Variants in THBS4 observed in about 807,000 individuals in gnomAD.
THBS4 encodes the protein thrombospondin 4.
THBS4 carries 90 observed loss-of-function variants against 115.7 expected under a neutral mutation model. The ratio of observed to expected loss-of-function variants is 0.78; its 90% CI spans 0.66 to 0.93. The LOEUF is 0.93. THBS4 is among the 40% of genes least tolerant of loss of function. THBS4 has a pLI of 0.00. For synonymous variants in THBS4, 460 were observed against 479.3 expected (o/e 0.96, Z 0.53); for missense variants, 1,087 against 1,232.7 (o/e 0.88, Z 1.77).
chr5:80,082,608 A>T lies in THBS4; in HGVS notation c.2824+63A>T, dbSNP rs551061531. 6.9e-6 allele frequency: 11 copies of T among 1,589,434 alleles called. No individual in the cohort carries two copies. The Admixed American group carries it at 1.9e-4, about 27-fold the overall frequency. ...AGAATTAGTCAAACACTGCCACCTTATTTTTATACCGCACTTCCCCCCCAA... is the reference window on the plus strand; with the variant it reads ...AGAATTAGTCAAACACTGCCACCTTTTTTTTATACCGCACTTCCCCCCCAA... On this transcript the variant is annotated intron_variant, in intron 21 of 21. Coordinates refer to ENST00000350881, the MANE Select transcript of THBS4 (RefSeq NM_003248.6).
chr5:80,068,581 G>C (rs1389718570), intron 10 of THBS4: 2 of 171,096 alleles, frequency 1.2e-5, no homozygotes, highest in Non-Finnish European at 2.5e-5. Context: ...CGCTCCTGTT[G>C]GGGGTGGGCC....
At position 80,020,971 on chromosome 5, in the gene THBS4, C is replaced by G. The variant is rs1490952516; in HGVS notation, n.178-19106C>G. Among the ~76,000 whole-genome samples, 3 of 152,088 alleles carry G rather than the reference C, an allele frequency of 2.0e-5. No homozygotes were observed. In the East Asian group the frequency reaches 5.8e-4, roughly 29 times the overall value. ...ATCTTGGCTGGCAAATGTATGAACTCAATTTAAAAACTGATGTCACCTAAA... is the reference window on the plus strand; with the variant it reads ...ATCTTGGCTGGCAAATGTATGAACTGAATTTAAAAACTGATGTCACCTAAA... On this transcript the variant is annotated intron_variant and non_coding_transcript_variant, in intron 2 of 3. Coordinates refer to the THBS4 transcript ENST00000510218.
At chr5:80,016,002 T>G (rs961555134) in intron 2 of THBS4, among the ~76,000 whole-genome samples, 3 of 152,194 alleles carry the variant, frequency 2.0e-5, no homozygotes, top group Non-Finnish European at 2.9e-5. Context: ...TGCATCCATT[T>G]CCACCATGTG....
chr5:80,007,746 G>A lies in THBS4; in HGVS notation n.177+9319G>A, dbSNP rs76685172. On this transcript the variant is annotated intron_variant and non_coding_transcript_variant, in intron 2 of 3. Coordinates refer to the THBS4 transcript ENST00000510218. ...GAACCTCAACCAAAATGCCGGGCTT[G>A]TGACCCCTAGCCCTGGGCTCGTGCA... Among the ~76,000 whole-genome samples, 3 of 152,334 alleles carry A rather than the reference G, an allele frequency of 2.0e-5. No individual in the cohort carries two copies. In the South Asian group the frequency reaches 6.2e-4, roughly 32 times the overall value.
chr5:80,009,743 G>A (rs569693372), intron 2 of THBS4, among the ~76,000 whole-genome samples: 12 of 151,982 alleles, frequency 7.9e-5, no homozygotes, highest in South Asian at 4.2e-4. Context: ...CTACAATTTT[G>A]TATTTTTCTC....
In THBS4 at chr5:80,055,787, A is replaced by G. The variant is rs144319149; in HGVS notation, c.295A>G (p.Ile99Val). 110 of 1,611,940 alleles carry G rather than the reference A, an allele frequency of 6.8e-5. No individual in the cohort carries two copies. Among genetic ancestry groups the G allele is most frequent in the Admixed American group, 1.2e-4 (7 of 59,934 alleles). The change falls in exon 3 of 22, where the codon ATC (isoleucine) becomes GTC (valine). Residue 99 changes from isoleucine to valine, a missense_variant and splice_region_variant. By Grantham distance (29) the Ile-to-Val change is conservative (BLOSUM62 3). Transcript: ENST00000350881. ...FTVMGRLNKA[I>V]LRYLKNDGKV... ...GGTTGACCTGTGCTTGCTTCCAGCCATCCTCCGTTACCTGAAGAACGATGG... is the reference window on the plus strand; with the variant it reads ...GGTTGACCTGTGCTTGCTTCCAGCCGTCCTCCGTTACCTGAAGAACGATGG...
chr5:79,999,530 G>C (rs1025075582), intron 2 of THBS4, among the ~76,000 whole-genome samples: 3 of 152,102 alleles, frequency 2.0e-5, no homozygotes, highest in African/African-American at 7.2e-5. Context: ...CAGAACTTAA[G>C]TCATTATGTG....
intron 7 of THBS4, 136 bp from the exon 8 acceptor site, chr5:80,061,559 A>G: frequency 8.4e-7 from 1 of 1,193,932 alleles, no homozygotes; most frequent in Non-Finnish European, 1.1e-6. Context: ...CTGGAGTTGG[A>G]AGCCTTTATT....
rs777795493 is a variant in THBS4 at position 80,072,391 on chromosome 5, A to T, written c.1834A>T (p.Asn612Tyr). The change falls in exon 14 of 22, where the codon AAC becomes TAC. Residue 612 changes from asparagine (N) to tyrosine (Y), a missense_variant. Asn to Tyr is a moderately radical substitution (Grantham distance 143). Around this residue, in one of 3 missense-constraint regions of THBS4, gnomAD observed 979 missense variants for 1,103.7 expected, o/e 0.89. Transcript: ENST00000350881. Reference protein sequence around the residue: ...CDSCPDVSNPNQSDVDNDLVG... With the variant: ...CDSCPDVSNPYQSDVDNDLVG... The stretch of plus-strand genomic sequence containing the variant: ...CAGTTGTCCTGATGTCAGCAACCCT[A>T]ACCAGGTTAGTAGGATACTGGGGAA... 1 of 1,613,788 alleles carries T rather than the reference A, an allele frequency of 6.2e-7. No homozygotes were observed. The highest frequency in any genetic ancestry group is 1.1e-5 in the South Asian group (1 of 91,068).
chr5:80,038,603 A>G (rs1001565607), intron 1 of THBS4, among the ~76,000 whole-genome samples: 17 of 152,144 alleles, frequency 1.1e-4, no homozygotes, highest in African/African-American at 3.6e-4. Flanking sequence ...TAATGTTTTC[A>G]TAGCAAAATG....
chr5:79,993,172 A>C (rs1438739), intron 1 of THBS4, among the ~76,000 whole-genome samples: 1 of 151,978 alleles, frequency 6.6e-6, no homozygotes, highest in African/African-American at 2.4e-5. Context: ...CATTTGCATT[A>C]AAGAGAAATT....
chr5:80,072,070 T>C, intron 13 of THBS4: 2 of 562,070 alleles, frequency 3.6e-6, no homozygotes, highest in Non-Finnish European at 3.2e-6. Context: ...CAAATTAGAA[T>C]TCAGTCGATA....
At chr5:80,030,280 G>A (rs1307706119) in intron 2 of THBS4, among the ~76,000 whole-genome samples, 2 of 151,994 alleles carry the variant, frequency 1.3e-5, no homozygotes, top group Non-Finnish European at 2.9e-5. Context: ...TTTCACTGCA[G>A]TCTCAACCTC....
At chr5:79,998,961 G>C (rs2151148981) in intron 2 of THBS4, among the ~76,000 whole-genome samples, 1 of 152,260 alleles carries the variant, frequency 6.6e-6, no homozygotes, top group Non-Finnish European at 1.5e-5. Context: ...CAATGAATAA[G>C]GATGGACAGC....
At chr5:80,056,173 G>A in intron 3 of THBS4, 141 bp downstream of exon 3, 1 of 1,084,118 alleles carries the variant, frequency 9.2e-7, no homozygotes, top group Non-Finnish European at 1.3e-6. Flanking sequence ...TGCGGAGCTT[G>A]AAAAGCAAGT....
chr5:80,007,278 G>T (rs1021451808), intron 2 of THBS4, among the ~76,000 whole-genome samples: 1 of 152,156 alleles, frequency 6.6e-6, no homozygotes, highest in African/African-American at 2.4e-5. Context: ...CAATAGCATG[G>T]TTAAAAGAAC....
At chr5:80,005,566 G>A (rs1831997938) in intron 2 of THBS4, among the ~76,000 whole-genome samples, 1 of 151,940 alleles carries the variant, frequency 6.6e-6, no homozygotes, top group Non-Finnish European at 1.5e-5. Flanking sequence ...CTAGAGAACT[G>A]GGGTCCAGGC....
intron 1 of THBS4, among the ~76,000 whole-genome samples, chr5:79,992,357 C>T (rs190417998): frequency 9.2e-5 from 14 of 152,222 alleles, no homozygotes; most frequent in Admixed American, 2.0e-4. Context: ...CTGAGATGGT[C>T]GGATCTTCTT....
At chr5:79,998,747 T>C (rs1831846023) in intron 2 of THBS4, among the ~76,000 whole-genome samples, 2 of 152,218 alleles carry the variant, frequency 1.3e-5, no homozygotes, top group African/African-American at 2.4e-5. Context: ...TTAAAGGTAA[T>C]GTAATGGCAT....
Sources: allele counts gnomAD v4.1 joint callset (sites outside exome capture counted in the v4.1 genomes callset), GRCh38; gene constraint gnomAD v4.1.1; regional missense constraint gnomAD v4.1.1; transcripts MANE v1.5; gene names NCBI Gene and HGNC (gene_info 2026-07-23, HGNC 2026-07-21).